The following DGKB variants were observed in gnomAD, a reference collection of about 807,000 sequenced individuals.
DGKB encodes 90 kDa diacylglycerol kinase.
Under a neutral mutation model 114.3 loss-of-function variants are expected in DGKB, and 67 were observed. The observed-to-expected ratio is 0.59, with a 90% confidence interval of 0.48 to 0.72. The LOEUF (loss-of-function observed/expected upper bound fraction) is 0.72, where lower values mean the gene tolerates loss of function less well. Ranked by LOEUF, DGKB falls within the 30% of genes least tolerant of loss-of-function variation. DGKB has a pLI of 0.00. For synonymous variants in DGKB, 398 were observed against 323.1 expected, an observed-to-expected ratio of 1.23 and a Z score of -2.49; for missense variants, 907 against 975.2, an observed-to-expected ratio of 0.93 and a Z score of 0.93.
chr7:14,744,153 A>G (rs1220396712), intron 4 of DGKB, among the ~76,000 whole-genome samples: 3 of 152,180 alleles, frequency 2.0e-5, no homozygotes, highest in Non-Finnish European at 2.9e-5. Flanking sequence ...AGTAAGCTAT[A>G]CTCATGTGAA....
At chr7:14,333,862 A>C (rs1031772145) in intron 23 of DGKB, among the ~76,000 whole-genome samples, 18 of 152,346 alleles carry the variant, frequency 1.2e-4, no homozygotes, top group African/African-American at 4.3e-4. Context: ...ATTGAATTGA[A>C]TTGAATTGCA....
At chr7:14,682,437 T>A (rs1417540991) in intron 12 of DGKB, 116 bp downstream of exon 12, 1 of 710,448 alleles carries the variant, frequency 1.4e-6, no homozygotes, top group Non-Finnish European at 2.5e-6. Context: ...GTTTCCATGG[T>A]TTTATGCTTA....
chr7:14,664,862 T>C (rs1345730033), intron 13 of DGKB, among the ~76,000 whole-genome samples: 1 of 151,392 alleles, frequency 6.6e-6, no homozygotes, highest in African/African-American at 2.4e-5. Flanking sequence ...CTCCATTGTC[T>C]TTAGTAAAAA....
intron 2 of DGKB, among the ~76,000 whole-genome samples, chr7:14,829,513 G>A (rs1054546872): frequency 5.3e-5 from 8 of 152,112 alleles, no homozygotes; most frequent in African/African-American, 7.2e-5. Flanking sequence ...CTCATGTTTT[G>A]CGAAATGTAG....
intron 21 of DGKB, among the ~76,000 whole-genome samples, chr7:14,451,216 T>G (rs1280808905): frequency 6.6e-6 from 1 of 152,216 alleles, no homozygotes; most frequent in East Asian, 1.9e-4. Context: ...AGATCACCAT[T>G]TGAATTGGTA....
intron 23 of DGKB, among the ~76,000 whole-genome samples, chr7:14,211,833 T>TA (rs1396872454): frequency 0.25 from 226 of 906 alleles, 71 homozygotes; most frequent in East Asian, 0.75. Context: ...TGTTTTGTGA[T>TA]TTTACTCTCA....
intron 7 of DGKB, among the ~76,000 whole-genome samples, chr7:14,700,367 C>G (rs969723667): frequency 1.3e-5 from 2 of 152,040 alleles, no homozygotes; most frequent in African/African-American, 4.8e-5. Flanking sequence ...GTGCCCACTA[C>G]CACGCCTCGA....
intron 2 of DGKB, among the ~76,000 whole-genome samples, chr7:14,771,970 C>T (rs541004418): frequency 6.6e-6 from 1 of 151,820 alleles, no homozygotes; most frequent in Non-Finnish European, 1.5e-5. Context: ...CTGAACACTC[C>T]TTTCCATTGA....
At chr7:14,609,597 T>A (rs1422036458) in intron 16 of DGKB, among the ~76,000 whole-genome samples, 1 of 152,060 alleles carries the variant, frequency 6.6e-6, no homozygotes, top group Non-Finnish European at 1.5e-5. Flanking sequence ...ATCTGCAGAA[T>A]GGGAGAAAAT....
At chr7:14,603,190 A>G (rs1803872315) in intron 17 of DGKB, among the ~76,000 whole-genome samples, 1 of 152,178 alleles carries the variant, frequency 6.6e-6, no homozygotes, top group African/African-American at 2.4e-5. Flanking sequence ...CACTCCAGTG[A>G]CCAAGGCAGA....
At chr7:14,710,687 G>T (rs1827214959) in intron 6 of DGKB, among the ~76,000 whole-genome samples, 1 of 152,038 alleles carries the variant, frequency 6.6e-6, no homozygotes, top group Non-Finnish European at 1.5e-5. Context: ...ATTTCGCTAA[G>T]AATTTTTGCT....
chr7:14,537,392 C>T (rs1328283530), intron 20 of DGKB, among the ~76,000 whole-genome samples: 5 of 152,128 alleles, frequency 3.3e-5, no homozygotes, highest in Non-Finnish European at 7.4e-5. Context: ...AGGAATCACA[C>T]TTCCTACAGT....
intron 1 of DGKB, among the ~76,000 whole-genome samples, chr7:14,931,563 G>C (rs1401359920): frequency 3.3e-5 from 5 of 152,184 alleles, no homozygotes; most frequent in Non-Finnish European, 5.9e-5. Context: ...GCTTGGGTGT[G>C]AAGTGACCAT....
chr7:14,429,174 C>T lies in DGKB; in HGVS notation c.1835+48987G>A, dbSNP rs1828039274. 3.9e-5 allele frequency among the ~76,000 whole-genome samples: 6 copies of T among 151,944 alleles called. No individual in the cohort carries two copies. The South Asian group carries it at 1.0e-3, about 26-fold the overall frequency. ...ATTTTCATAGACTGAATGTTTGAGT[C>T]CCCCCAAAATGTTAAAATCCTAATC... On this transcript the variant is annotated intron_variant, in intron 21 of 25. Transcript: ENST00000402815.
chr7:14,414,599 AT>A (rs1266897577), intron 21 of DGKB, among the ~76,000 whole-genome samples: 1 of 152,162 alleles, frequency 6.6e-6, no homozygotes, highest in African/African-American at 2.4e-5. Flanking sequence ...TTCTTACAAC[AT>A]TAAAATTCTT....
At chr7:14,807,835 G>A (rs1282552082) in intron 2 of DGKB, among the ~76,000 whole-genome samples, 2 of 151,936 alleles carry the variant, frequency 1.3e-5, no homozygotes, top group Non-Finnish European at 2.9e-5. Context: ...TGAAAAGCAT[G>A]TCCTCAAAAT....
chr7:14,369,845 A>G (rs1012658457), intron 21 of DGKB, among the ~76,000 whole-genome samples: 1 of 152,226 alleles, frequency 6.6e-6, no homozygotes, highest in Non-Finnish European at 1.5e-5. Context: ...GATAGACTGC[A>G]GAAATTTTAT....
rs1781457230 is a variant in DGKB at position 14,146,189 on chromosome 7, T to C, written c.*2942A>G. On this transcript the variant is annotated 3_prime_UTR_variant, in exon 26 of 26. Transcript: ENST00000402815. ...GAAATACATGGTGTACACAAGGAAG[T>C]GGAAAAAATAAATTTACGTCTTTTA... The C allele has an allele frequency of 1.3e-5, 2 of 152,196 alleles. No individual in the cohort carries two copies. The highest frequency in any genetic ancestry group is 1.3e-4 in the Admixed American group (2 of 15,274). 9.4% of individuals were successfully genotyped at this position (152,196 alleles called of 1,614,324 possible). A position where few individuals can be genotyped will look rare whatever the true frequency, so the allele number is the denominator to read the frequency against.
At chr7:14,304,562 G>A (rs1018472404) in intron 23 of DGKB, among the ~76,000 whole-genome samples, 4 of 152,096 alleles carry the variant, frequency 2.6e-5, no homozygotes, top group Non-Finnish European at 5.9e-5. Context: ...AGCCCAAACA[G>A]ATTGTTTTCT....
Sources: gnomAD v4.1 joint callset for allele counts (sites outside exome capture counted in the v4.1 genomes callset) on GRCh38, gnomAD v4.1.1 for gene constraint, MANE v1.5 for transcripts, NCBI Gene and HGNC (gene_info 2026-07-23, HGNC 2026-07-21) for gene names.